Variants in PANK2 observed in about 807,000 individuals in gnomAD.
The protein encoded by PANK2 is pantothenate kinase 2, mitochondrial.
In PANK2, 36 loss-of-function variants were observed where a neutral mutation model predicts 43.1. That is an observed-to-expected ratio of 0.84 (90% CI 0.64 to 1.10). The LOEUF (loss-of-function observed/expected upper bound fraction) is 1.10, where lower values mean the gene tolerates loss of function less well. Ranked by LOEUF, PANK2 falls within the 50% of genes least tolerant of loss-of-function variation. The pLI is 0.00. For synonymous variants in PANK2, 281 were observed against 238.2 expected (o/e 1.18, Z -1.66); for missense variants, 576 against 593.3 (o/e 0.97, Z 0.30).
Position 3,907,906 on chromosome 20 carries a change from T to G in PANK2, c.299-20T>G. The G allele has an allele frequency of 6.2e-7, 1 of 1,608,092 alleles. No homozygotes were observed. Among genetic ancestry groups the G allele is most frequent in the Non-Finnish European group, 8.5e-7 (1 of 1,174,528 alleles). On this transcript the variant is annotated intron_variant, in intron 1 of 6. Coordinates refer to ENST00000610179, the MANE Select transcript of PANK2 (RefSeq NM_001386393.1). ...TTTTCAGAAAAAAGCTGTTCTGACT[T>G]ATTTTTCTTCCCCATTTAGTTTTTC...
intron 4 of PANK2, among the ~76,000 whole-genome samples, chr20:3,914,235 C>T (rs910222581): frequency 6.6e-6 from 1 of 151,974 alleles, no homozygotes; most frequent in Non-Finnish European, 1.5e-5. Context: ...AGTTTATGAG[C>T]GTTTATATTT....
intron 1 of PANK2, chr20:3,901,606 T>G (rs1318605866): frequency 1.0e-6 from 1 of 982,046 alleles, no homozygotes; most frequent in African/African-American, 1.7e-5. Flanking sequence ...CAACTTCCTA[T>G]GTCGAAATCA....
At chr20:3,907,297 C>T (rs1015392669) in intron 1 of PANK2, among the ~76,000 whole-genome samples, 1 of 151,942 alleles carries the variant, frequency 6.6e-6, no homozygotes, top group Non-Finnish European at 1.5e-5. Flanking sequence ...TGGGGTTTTA[C>T]CATATTGGTC....
Position 3,912,518 on chromosome 20 carries a change from A to C in PANK2, c.966A>C (p.Glu322Asp). Residue 322 changes from glutamate to aspartate, a missense_variant, in exon 4 of 7, where the codon GAA becomes GAC. Physicochemically the swap from Glu to Asp is conservative, Grantham distance 45 (BLOSUM62 2). Around this residue, in one of 2 missense-constraint regions of PANK2, gnomAD observed 544 missense variants for 528.9 expected, o/e 1.03. Coordinates refer to ENST00000610179, the MANE Select transcript of PANK2 (RefSeq NM_001386393.1). ...TTCTTACTGGCTGTACCACTTTTGA[A>C]GAAGCTCTTGAAATGGCATCTCGTG... The C allele has an allele frequency of 6.2e-7, 1 of 1,614,158 alleles. No individual in the cohort carries two copies. Among genetic ancestry groups the C allele is most frequent in the Non-Finnish European group, 8.5e-7 (1 of 1,180,032 alleles).
rs1209228951 is a variant in PANK2 at position 3,892,104 on chromosome 20, G to C, written c.298+2376G>C. On this transcript the variant is annotated intron_variant, in intron 1 of 6. Coordinates refer to ENST00000610179, the MANE Select transcript of PANK2 (RefSeq NM_001386393.1). The stretch of plus-strand genomic sequence containing the variant: ...TAATCCCAGCACTTTGGGAGGCCAA[G>C]GCGGGTGGATCACCTGAGGTCAGGA... Among the ~76,000 whole-genome samples the C allele has an allele frequency of 2.0e-5, 3 of 152,216 alleles. No individual in the cohort carries two copies. The South Asian group carries it at 6.2e-4, about 31-fold the overall frequency.
chr20:3,910,796 TC>T lies in PANK2; in HGVS notation c.873del (p.Asp293IlefsTer47). 6.2e-7 allele frequency: 1 copy of T among 1,614,168 alleles called. No homozygotes were observed. Among genetic ancestry groups the T allele is most frequent in the Non-Finnish European group, 8.5e-7 (1 of 1,180,016 alleles). On this transcript the variant is annotated frameshift_variant, in exon 3 of 7. Coordinates refer to ENST00000610179, the MANE Select transcript of PANK2 (RefSeq NM_001386393.1). LOFTEE classifies it high-confidence loss of function. ...AGGGGTTAGCATCTTAGCAGTATAT[TC>T]CAAAGATAATTACAAACGGGTCACA...
intron 1 of PANK2, among the ~76,000 whole-genome samples, chr20:3,899,370 C>T (rs1273805199): frequency 6.6e-6 from 1 of 151,336 alleles, no homozygotes; most frequent in Non-Finnish European, 1.5e-5. Flanking sequence ...GGGGCTTCAC[C>T]ATGTTAGTCA....
At chr20:3,918,202 A>G (rs2090592660) in intron 5 of PANK2, among the ~76,000 whole-genome samples, 1 of 152,100 alleles carries the variant, frequency 6.6e-6, no homozygotes, top group South Asian at 2.1e-4. Context: ...ACAACTACTG[A>G]TGGTGGTGGT....
At chr20:3,895,592 GATT>G (rs1429623476) in intron 1 of PANK2, among the ~76,000 whole-genome samples, 1 of 147,420 alleles carries the variant, frequency 6.8e-6, no homozygotes, top group East Asian at 2.1e-4. Context: ...TGGCTATTTT[GATT>G]ATTTAAAAGA....
intron 1 of PANK2, among the ~76,000 whole-genome samples, chr20:3,902,405 C>T (rs2090316206): frequency 6.6e-6 from 1 of 151,724 alleles, no homozygotes; most frequent in Non-Finnish European, 1.5e-5. Flanking sequence ...TCTTGGCTCA[C>T]TGCGACTTCC....
chr20:3,928,199 G>C lies in PANK2; in HGVS notation c.*4905G>C, dbSNP rs749468612. The C allele has an allele frequency of 6.6e-6, 1 of 152,182 alleles. No homozygotes were observed. Among genetic ancestry groups the C allele is most frequent in the Non-Finnish European group, 1.5e-5 (1 of 68,042 alleles). The allele number at this position is 152,182 out of a possible 1,614,324, so 9.4% of individuals were successfully genotyped here. ...CAGCTACAGGAAAAGACACACCCAGGGCCAGAGATTCTACAAATGCCAGAA... is the reference window on the plus strand; with the variant it reads ...CAGCTACAGGAAAAGACACACCCAGCGCCAGAGATTCTACAAATGCCAGAA... On this transcript the variant is annotated 3_prime_UTR_variant, in exon 7 of 7. Coordinates refer to ENST00000610179, the MANE Select transcript of PANK2 (RefSeq NM_001386393.1).
intron 3 of PANK2, 69 bp downstream of exon 3, chr20:3,910,899 G>T: frequency 6.4e-7 from 1 of 1,561,814 alleles, no homozygotes; most frequent in East Asian, 2.2e-5. Context: ...GGTATTACAT[G>T]TAACTACACC....
At chr20:3,904,974 A>G (rs1430020094) in intron 1 of PANK2, among the ~76,000 whole-genome samples, 1 of 152,162 alleles carries the variant, frequency 6.6e-6, no homozygotes, top group Admixed American at 6.6e-5. Flanking sequence ...GTGGCAAAAT[A>G]TGGGGTAAAA....
chr20:3,913,128 A>G (rs1461740195), intron 4 of PANK2, among the ~76,000 whole-genome samples: 4 of 152,068 alleles, frequency 2.6e-5, no homozygotes. Context: ...CATCCTAGAA[A>G]GAAACCTTGT....
At chr20:3,908,677 T>C (rs2090425294) in intron 2 of PANK2, 1 of 245,642 alleles carries the variant, frequency 4.1e-6, no homozygotes, top group Admixed American at 5.2e-5. Context: ...CTCAGTTGTT[T>C]GCTGGCATGT....
Position 3,926,940 on chromosome 20 carries a change from C to CAAAA in PANK2, c.*3664_*3667dup, listed in dbSNP as rs11471571. On this transcript the variant is annotated 3_prime_UTR_variant, in exon 7 of 7. Coordinates refer to ENST00000610179, the MANE Select transcript of PANK2 (RefSeq NM_001386393.1). ...AGCCTGGGTGACAGCAAGACTGTCT[C>CAAAA]AAAAAAAAAAAAAAAAAAAAATCCG... 0.11 allele frequency: 12,243 copies of CAAAA among 108,068 alleles called. 922 individuals carry two copies. The highest frequency in any genetic ancestry group is 0.16 in the Non-Finnish European group (9,056 of 55,852). 6.7% of individuals were successfully genotyped at this position (108,068 alleles called of 1,614,324 possible).
At position 3,923,331 on chromosome 20, in the gene PANK2, A is replaced by G. The variant is rs764753373; in HGVS notation, c.*37A>G. 15 of 1,602,656 alleles carry G rather than the reference A, an allele frequency of 9.4e-6. No homozygotes were observed. Among genetic ancestry groups the G allele is most frequent in the African/African-American group, 4.0e-5 (3 of 74,660 alleles). On this transcript the variant is annotated 3_prime_UTR_variant, in exon 7 of 7. Transcript: ENST00000610179. ...GGAGGGGTTCCTGAAACCTTCCACA[A>G]TGGGATCTGTGGACTTTCATTTTTT... is the stretch of plus-strand genomic sequence containing the variant.
chr20:3,920,820 G>A (rs1166043769), intron 6 of PANK2, among the ~76,000 whole-genome samples: 1 of 152,186 alleles, frequency 6.6e-6, no homozygotes, highest in Non-Finnish European at 1.5e-5. Flanking sequence ...ACTCCAGCCT[G>A]GGCAACAAGA....
intron 1 of PANK2, among the ~76,000 whole-genome samples, chr20:3,905,149 C>G (rs955125201): frequency 8.9e-6 from 1 of 112,034 alleles, no homozygotes; most frequent in Non-Finnish European, 1.9e-5. Context: ...ACACATTTCC[C>G]CACCATCGCT....
Sources: gnomAD v4.1 joint callset for allele counts (sites outside exome capture counted in the v4.1 genomes callset) on GRCh38, gnomAD v4.1.1 for gene constraint, gnomAD v4.1.1 regional missense constraint, MANE v1.5 for transcripts, NCBI Gene and HGNC (gene_info 2026-07-23, HGNC 2026-07-21) for gene names.